The following IGF2BP2 variants were observed in gnomAD, a reference collection of about 807,000 sequenced individuals.
IGF2BP2 encodes insulin like growth factor 2 mRNA binding protein 2, also known as insulin-like growth factor 2 mRNA-binding protein 2.
In IGF2BP2, 17 loss-of-function variants were observed where a neutral mutation model predicts 75.8. The ratio of observed to expected loss-of-function variants is 0.22; its 90% CI spans 0.15 to 0.34. The LOEUF is 0.34. Ranked by LOEUF, IGF2BP2 falls within the 10% of genes least tolerant of loss-of-function variation. IGF2BP2 has a pLI of 1.00. For synonymous variants in IGF2BP2, 288 were observed against 295.6 expected (o/e 0.97, Z 0.26); for missense variants, 516 against 772.4 (o/e 0.67, Z 3.93).
At chr3:185,649,627 G>T in intron 13 of IGF2BP2, 93 bp from the exon 14 acceptor site, 1 of 1,528,002 alleles carries the variant, frequency 6.5e-7, no homozygotes. Flanking sequence ...TCCAGACAAT[G>T]GGTCAGTCCC....
intron 12 of IGF2BP2, among the ~76,000 whole-genome samples, chr3:185,654,655 A>T (rs984525672): frequency 1.3e-5 from 2 of 152,222 alleles, no homozygotes; most frequent in African/African-American, 4.8e-5. Flanking sequence ...ATGTCATTCC[A>T]TGCACACACT....
intron 2 of IGF2BP2, among the ~76,000 whole-genome samples, chr3:185,819,925 T>C (rs1182833285): frequency 6.6e-6 from 1 of 151,986 alleles, no homozygotes; most frequent in Non-Finnish European, 1.5e-5. Flanking sequence ...TGAGATACTG[T>C]TTTCTTTAAC....
At chr3:185,707,247 T>C (rs1468462906) in intron 2 of IGF2BP2, among the ~76,000 whole-genome samples, 3 of 144,634 alleles carry the variant, frequency 2.1e-5, no homozygotes, top group South Asian at 2.3e-4. Context: ...GACATCACTA[T>C]CTAAAATTCT....
At chr3:185,811,830 GT>G (rs1739880812) in intron 2 of IGF2BP2, among the ~76,000 whole-genome samples, 4 of 120,694 alleles carry the variant, frequency 3.3e-5, no homozygotes, top group Admixed American at 1.8e-4. Context: ...AGAGTAGGGT[GT>G]CTCTCTCTCT....
chr3:185,758,597 T>A (rs1319911217), intron 2 of IGF2BP2, among the ~76,000 whole-genome samples: 1 of 152,214 alleles, frequency 6.6e-6, no homozygotes, highest in African/African-American at 2.4e-5. Context: ...AGTAGTGATA[T>A]CTGTAATGTT....
At chr3:185,668,494 G>GATATATATATATAT (rs1560258280) in intron 10 of IGF2BP2, among the ~76,000 whole-genome samples, 1 of 121,604 alleles carries the variant, frequency 8.2e-6, no homozygotes, top group African/African-American at 3.3e-5. Context: ...GTTCGAGAGA[G>GATATATATATATAT]AGAGAGAGAG....
intron 2 of IGF2BP2, chr3:185,716,389 T>G: frequency 2.1e-6 from 1 of 469,418 alleles, no homozygotes; most frequent in Middle Eastern, 4.8e-4. Flanking sequence ...ATATGCTCTG[T>G]GTTAAAACAG....
chr3:185,735,907 A>C (rs1404298439), intron 2 of IGF2BP2, among the ~76,000 whole-genome samples: 3 of 152,182 alleles, frequency 2.0e-5, no homozygotes, highest in Non-Finnish European at 4.4e-5. Flanking sequence ...ACACCAAAGA[A>C]GACCACAGAA....
intron 2 of IGF2BP2, among the ~76,000 whole-genome samples, chr3:185,762,171 T>C (rs1449964134): frequency 6.6e-6 from 1 of 152,024 alleles, no homozygotes; most frequent in Non-Finnish European, 1.5e-5. Context: ...GCAGATCACC[T>C]GAGGTCAAGA....
intron 2 of IGF2BP2, among the ~76,000 whole-genome samples, chr3:185,756,441 C>T (rs886591520): frequency 3.3e-5 from 5 of 152,114 alleles, no homozygotes; most frequent in African/African-American, 1.2e-4. Context: ...TTGATTATTC[C>T]TCTTACCTTT....
intron 2 of IGF2BP2, among the ~76,000 whole-genome samples, chr3:185,744,297 T>C (rs1284771771): frequency 6.6e-6 from 1 of 152,222 alleles, no homozygotes; most frequent in Non-Finnish European, 1.5e-5. Flanking sequence ...GTGATTGATC[T>C]GGGTAGTAGC....
intron 5 of IGF2BP2, among the ~76,000 whole-genome samples, chr3:185,691,373 C>T (rs1286135952): frequency 6.6e-6 from 1 of 152,200 alleles, no homozygotes; most frequent in African/African-American, 2.4e-5. Flanking sequence ...GCTGGGATTA[C>T]AGGCATGAGC....
In IGF2BP2 at chr3:185,689,588, G is replaced by A. The variant is rs964586707; in HGVS notation, c.444C>T (p.Tyr148=). 24 of 1,614,204 alleles carry A rather than the reference G, an allele frequency of 1.5e-5. No individual in the cohort carries two copies. The highest frequency in any genetic ancestry group is 1.9e-5 in the Non-Finnish European group (22 of 1,180,024). ...EKLSGHQFEN[Y]SFKISYIPDE... ...CCGGGATGTAGGAAATCTTGAAGGA[G>A]TAGTTCTCAAACTGATGCCCGCTTA... is the stretch of plus-strand genomic sequence containing the variant. Residue 148 remains tyrosine, a synonymous_variant, in exon 6 of 16, where the codon TAC becomes TAT. Coordinates refer to ENST00000382199, the MANE Select transcript of IGF2BP2 (RefSeq NM_006548.6).
chr3:185,655,531 A>G (rs1339051622), intron 12 of IGF2BP2, among the ~76,000 whole-genome samples: 4 of 152,202 alleles, frequency 2.6e-5, no homozygotes, highest in African/African-American at 7.2e-5. Flanking sequence ...AGGTTGCTGG[A>G]AAAGATTGTT....
In IGF2BP2 at chr3:185,795,188, C is replaced by T. The variant is rs78802023; in HGVS notation, c.239+27965G>A. Among the ~76,000 whole-genome samples, 523 of 152,284 alleles carry T rather than the reference C, an allele frequency of 3.4e-3. 1 individual carries two copies. Among genetic ancestry groups the T allele is most frequent in the African/African-American group, 0.012 (503 of 41,566 alleles). On this transcript the variant is annotated intron_variant, in intron 2 of 15. Transcript: ENST00000382199. The stretch of plus-strand genomic sequence containing the variant: ...CTGGGATTACAGGCATGAGCCACCA[C>T]GCCCAGCCTCCAGTTATCTTCTATA...
chr3:185,754,458 AAC>A (rs1463237081), intron 2 of IGF2BP2, among the ~76,000 whole-genome samples: 2 of 152,160 alleles, frequency 1.3e-5, no homozygotes, highest in African/African-American at 4.8e-5. Context: ...AAAACAGACT[AAC>A]ACAGAAAATT....
chr3:185,777,979 G>A (rs1442646011), intron 2 of IGF2BP2, among the ~76,000 whole-genome samples: 1 of 152,008 alleles, frequency 6.6e-6, no homozygotes, highest in Non-Finnish European at 1.5e-5. Context: ...AGGAGGTGGA[G>A]GTTGCAGTGA....
intron 2 of IGF2BP2, among the ~76,000 whole-genome samples, chr3:185,703,849 C>G (rs546008752): frequency 1.6e-4 from 25 of 152,250 alleles, no homozygotes; most frequent in African/African-American, 6.0e-4. Flanking sequence ...CCATAGTTTT[C>G]AGGCATATGG....
intron 6 of IGF2BP2, among the ~76,000 whole-genome samples, chr3:185,688,361 G>T (rs1721439383): frequency 1.3e-5 from 2 of 152,216 alleles, no homozygotes; most frequent in East Asian, 3.9e-4. Flanking sequence ...TATTTATTTA[G>T]AGATGGAGTT....
Sources: allele counts gnomAD v4.1 joint callset (sites outside exome capture counted in the v4.1 genomes callset), GRCh38; gene constraint gnomAD v4.1.1; transcripts MANE v1.5; gene names NCBI Gene and HGNC (gene_info 2026-07-23, HGNC 2026-07-21).